The following DMD variants were observed in gnomAD, a reference collection of about 807,000 sequenced individuals.
DMD encodes mutant dystrophin.
In DMD, 63 loss-of-function variants were observed where a neutral mutation model predicts 330.1. That is an observed-to-expected ratio of 0.19 (90% CI 0.16 to 0.24). The LOEUF (loss-of-function observed/expected upper bound fraction) is 0.24, where lower values mean the gene tolerates loss of function less well. DMD is among the 10% of genes least tolerant of loss of function. The pLI is 1.00. For missense variants in DMD, 3,344 were observed against 2,684.1 expected, an observed-to-expected ratio of 1.25 and a Z score of -5.43; for synonymous variants, 1,223 against 959.8, an observed-to-expected ratio of 1.27 and a Z score of -5.07.
intron 44 of DMD, among the ~76,000 whole-genome samples, chrX:32,184,882 C>G (rs1340003323): frequency 1.3e-5 from 1 of 75,312 alleles, no homozygotes; most frequent in Non-Finnish European, 2.4e-5. Flanking sequence ...AGGAAGAGTA[C>G]AAAATAAAGT....
chrX:32,075,738 T>C (rs996270821), intron 44 of DMD, among the ~76,000 whole-genome samples: 1 of 109,143 alleles, frequency 9.2e-6, no homozygotes, highest in East Asian at 2.9e-4. Context: ...GTTACAGATT[T>C]CATGCCAAAA....
At chrX:32,481,877 T>C (rs1314319847) in intron 21 of DMD, among the ~76,000 whole-genome samples, 2 of 112,133 alleles carry the variant, frequency 1.8e-5, no homozygotes, top group East Asian at 5.6e-4. Flanking sequence ...TTACGGCATA[T>C]ACCAGGTGTT....
intron 55 of DMD, among the ~76,000 whole-genome samples, chrX:31,524,927 C>T (rs1378576194): frequency 8.9e-6 from 1 of 112,006 alleles, no homozygotes; most frequent in Admixed American, 9.5e-5. Flanking sequence ...CCTGAGAAAG[C>T]AAGGAAATAC....
intron 7 of DMD, among the ~76,000 whole-genome samples, chrX:32,744,502 G>C (rs746413100): frequency 1.2e-3 from 137 of 111,131 alleles, no homozygotes; most frequent in African/African-American, 4.4e-3. Flanking sequence ...TTAAGGTTCA[G>C]ATTCATATAC....
rs985654029 is a variant in DMD at position 33,150,398 on chromosome X, A to T, written c.31+60884T>A. ...CAACCTCTGCCTTCAGTTTCAAGGG[A>T]TTCTCCTGCCTCAGCCTCCTGAGTA... On this transcript the variant is annotated intron_variant, in intron 1 of 78. Coordinates refer to ENST00000357033, the MANE Select transcript of DMD (RefSeq NM_004006.3). Among the ~76,000 whole-genome samples the T allele has an allele frequency of 2.9e-5, 3 of 103,570 alleles. No individual in the cohort carries two copies. The Admixed American group carries it at 3.3e-4, about 11-fold the overall frequency. 89.9% of individuals were successfully genotyped at this position (103,570 alleles called of 115,157 possible). A position where few individuals can be genotyped will look rare whatever the true frequency, so the allele number is the denominator to read the frequency against.
intron 52 of DMD, among the ~76,000 whole-genome samples, chrX:31,697,880 T>A (rs1352637198): frequency 8.9e-6 from 1 of 111,955 alleles, no homozygotes; most frequent in Non-Finnish European, 1.9e-5. Flanking sequence ...GGATTAGCGA[T>A]GAAATAGTGG....
At chrX:31,960,265 T>A (rs752218496) in intron 45 of DMD, among the ~76,000 whole-genome samples, 1 of 110,837 alleles carries the variant, frequency 9.0e-6, no homozygotes, top group East Asian at 2.9e-4. Flanking sequence ...TACTCTCAAA[T>A]GGTGGGAGCC....
At chrX:31,730,410 C>T (rs1021566384) in intron 51 of DMD, among the ~76,000 whole-genome samples, 4 of 111,899 alleles carry the variant, frequency 3.6e-5, no homozygotes, top group African/African-American at 1.3e-4. Flanking sequence ...TGGAGAGCAT[C>T]AGATTACAGG....
intron 2 of DMD, among the ~76,000 whole-genome samples, chrX:32,973,568 A>C (rs2092454077): frequency 8.9e-6 from 1 of 112,004 alleles, no homozygotes; most frequent in Non-Finnish European, 1.9e-5. Flanking sequence ...GGAAGAAGCC[A>C]AACAACATAG....
chrX:32,687,673 A>G (rs6631620), intron 9 of DMD, among the ~76,000 whole-genome samples: 16,602 of 111,438 alleles, frequency 0.15, 2,908 homozygotes, highest in African/African-American at 0.5. Flanking sequence ...AAATGACTTC[A>G]GCTTCATCTA....
chrX:31,178,058 C>T, intron 70 of DMD, 88 bp from the exon 71 acceptor site: 1 of 1,099,591 alleles, frequency 9.1e-7, no homozygotes, highest in Non-Finnish European at 1.2e-6. Context: ...AAATAAAATC[C>T]AGCCAATTAA....
In DMD at chrX:32,862,333, G is replaced by A. The variant is rs144469552; in HGVS notation, c.94-12513C>T. On this transcript the variant is annotated intron_variant, in intron 2 of 78. Coordinates refer to ENST00000357033, the MANE Select transcript of DMD (RefSeq NM_004006.3). The stretch of plus-strand genomic sequence containing the variant: ...TTACTCTATTAAGTACACTAGAAAT[G>A]ATTCAAACAGATGTGCATTCGAACT... Among the ~76,000 whole-genome samples the A allele has an allele frequency of 6.7e-3, 750 of 111,970 alleles. 6 individuals carry two copies. Among genetic ancestry groups the A allele is most frequent in the African/African-American group, 0.023 (720 of 30,828 alleles).
At chrX:32,098,022 C>T (rs1403459601) in intron 44 of DMD, among the ~76,000 whole-genome samples, 1 of 110,800 alleles carries the variant, frequency 9.0e-6, no homozygotes, top group East Asian at 2.9e-4. Flanking sequence ...AGAACATGAC[C>T]ATAAATTAAA....
At chrX:32,675,815 C>T (rs1416214041) in intron 9 of DMD, among the ~76,000 whole-genome samples, 1 of 111,692 alleles carries the variant, frequency 9.0e-6, no homozygotes, top group Non-Finnish European at 1.9e-5. Flanking sequence ...TTGTTATAAA[C>T]ATTGAATTAA....
intron 2 of DMD, among the ~76,000 whole-genome samples, chrX:32,953,096 C>T (rs1190569224): frequency 7.9e-5 from 8 of 101,258 alleles, no homozygotes; most frequent in Non-Finnish European, 1.4e-4. Flanking sequence ...GATCGCGTCA[C>T]TGCACTCCAG....
At chrX:31,291,366 A>G (rs1001317470) in intron 62 of DMD, among the ~76,000 whole-genome samples, 1 of 111,714 alleles carries the variant, frequency 9.0e-6, no homozygotes, top group African/African-American at 3.3e-5. Context: ...CTATTCTTGC[A>G]TGACAATAAC....
intron 7 of DMD, among the ~76,000 whole-genome samples, chrX:32,752,335 T>C (rs2070934549): frequency 9.0e-6 from 1 of 111,130 alleles, no homozygotes. Context: ...GGATGTGAGA[T>C]ACGCAGTCAA....
chrX:32,364,754 T>A, intron 35 of DMD, 44 bp from the exon 36 acceptor site: 1 of 1,178,270 alleles, frequency 8.5e-7, no homozygotes, highest in Non-Finnish European at 1.1e-6. Context: ...GGTTAGACAA[T>A]ATTCTTAAAG....
chrX:32,488,413 T>C (rs146222369), intron 20 of DMD, among the ~76,000 whole-genome samples: 9 of 111,555 alleles, frequency 8.1e-5, no homozygotes, highest in African/African-American at 2.9e-4. Context: ...CTGCCGATCA[T>C]TAGAATATGA....
Sources: allele counts gnomAD v4.1 joint callset (sites outside exome capture counted in the v4.1 genomes callset), GRCh38; gene constraint gnomAD v4.1.1; transcripts MANE v1.5; gene names NCBI Gene and HGNC (gene_info 2026-07-23, HGNC 2026-07-21).